Variants in DNAH8 observed in about 807,000 individuals in gnomAD.
DNAH8 encodes the protein axonemal beta dynein heavy chain 8.
DNAH8 carries 382 observed loss-of-function variants against 562.1 expected under a neutral mutation model. That is an observed-to-expected ratio of 0.68 (90% CI 0.63 to 0.74). DNAH8 has a LOEUF of 0.74. Ranked by LOEUF, DNAH8 falls within the 30% of genes least tolerant of loss-of-function variation. DNAH8 has a pLI of 0.00. For synonymous variants in DNAH8, 1,881 were observed against 1,919.4 expected (o/e 0.98, Z 0.52); for missense variants, 5,203 against 5,620.4 (o/e 0.93, Z 2.37).
rs974942656 is a variant in DNAH8, at chr6:38,805,365, A to G, written c.3035-116A>G. The G allele has an allele frequency of 1.5e-5, 10 of 655,552 alleles. No individual in the cohort carries two copies. In the South Asian group the frequency reaches 1.7e-4, roughly 11 times the overall value. The allele number at this position is 655,552 out of a possible 1,614,324, so 40.6% of individuals were successfully genotyped here. ...ATGCGAAAAGCATTTTTCAAAAAAC[A>G]GTTTTAAAAGTAAGAGCTTTTTAAA... On this transcript the variant is annotated intron_variant, in intron 22 of 92. Transcript: ENST00000327475.
intron 79 of DNAH8, among the ~76,000 whole-genome samples, chr6:38,942,929 C>T (rs1261467363): frequency 1.3e-5 from 2 of 152,172 alleles, no homozygotes. Flanking sequence ...CTGAGAAACA[C>T]GGCAACACAG....
Position 38,866,881 on chromosome 6 carries a change from C to T in DNAH8, c.6693+5C>T, listed in dbSNP as rs183585898. ...GAAGAGCAACTTACTAAACAGGTAA[C>T]TTTATAGATCTGCTTTCCTCCTAGC... On this transcript the variant is annotated splice_donor_5th_base_variant and intron_variant, in intron 47 of 92. Transcript: ENST00000327475. The T allele has an allele frequency of 1.4e-5, 21 of 1,541,350 alleles. No homozygotes were observed. The African/African-American group carries it at 2.7e-4, about 20-fold the overall frequency.
chr6:38,951,960 C>A (rs548757459), intron 82 of DNAH8, among the ~76,000 whole-genome samples: 25 of 152,188 alleles, frequency 1.6e-4, no homozygotes, highest in African/African-American at 5.5e-4. Context: ...ACTTAATAAC[C>A]ATTCAGTACA....
At chr6:38,896,822 G>C (rs1779727871) in intron 60 of DNAH8, among the ~76,000 whole-genome samples, 3 of 152,030 alleles carry the variant, frequency 2.0e-5, no homozygotes, top group Non-Finnish European at 2.9e-5. Flanking sequence ...GTCTCTCTCT[G>C]TCACCCCAGG....
In DNAH8 at chr6:38,911,361, C is replaced by G. The variant is rs1780879439; in HGVS notation, c.9741-107C>G. 3 of 839,504 alleles carry G rather than the reference C, an allele frequency of 3.6e-6. No homozygotes were observed. In the Admixed American group the frequency reaches 5.7e-5, roughly 16 times the overall value. The allele number at this position is 839,504 out of a possible 1,614,324, so 52.0% of individuals were successfully genotyped here. A position where few individuals can be genotyped will look rare whatever the true frequency, so the allele number is the denominator to read the frequency against. The stretch of plus-strand genomic sequence containing the variant: ...ACCTTGCTCAAGTCCTGTCTTCCTG[C>G]TAGTGAATCACTCTACATGATCACA... On this transcript the variant is annotated intron_variant, in intron 65 of 92. Coordinates refer to ENST00000327475, the MANE Select transcript of DNAH8 (RefSeq NM_001206927.2).
chr6:38,935,127 G>A (rs1782847204), intron 76 of DNAH8, among the ~76,000 whole-genome samples: 1 of 152,216 alleles, frequency 6.6e-6, no homozygotes, highest in East Asian at 1.9e-4. Context: ...GGTACCTGGT[G>A]CTCCCATAGG....
chr6:38,910,634 C>A (rs1456668002), intron 65 of DNAH8, among the ~76,000 whole-genome samples: 1 of 152,030 alleles, frequency 6.6e-6, no homozygotes, highest in African/African-American at 2.4e-5. Flanking sequence ...CTTTGTGCAG[C>A]TACAAAAATC....
At chr6:38,962,266 G>T (rs1762656017) in intron 82 of DNAH8, among the ~76,000 whole-genome samples, 1 of 152,012 alleles carries the variant, frequency 6.6e-6, no homozygotes, top group African/African-American at 2.4e-5. Flanking sequence ...AAGCATCATT[G>T]TTTTTCTAGT....
At chr6:38,777,129 A>G (rs1286979016) in intron 13 of DNAH8, among the ~76,000 whole-genome samples, 4 of 152,176 alleles carry the variant, frequency 2.6e-5, no homozygotes, top group African/African-American at 7.2e-5. Context: ...ATTTCCTTTC[A>G]GTTTTTGAAA....
chr6:38,730,002 G>C lies in DNAH8; in HGVS notation c.610+16G>C, dbSNP rs1332074972. 1 of 1,300,750 alleles carries C rather than the reference G, an allele frequency of 7.7e-7. No homozygotes were observed. Among genetic ancestry groups the C allele is most frequent in the East Asian group, 2.3e-5 (1 of 43,240 alleles). 80.6% of individuals were successfully genotyped at this position (1,300,750 alleles called of 1,614,324 possible). On this transcript the variant is annotated intron_variant, in intron 4 of 92. Coordinates refer to ENST00000327475, the MANE Select transcript of DNAH8 (RefSeq NM_001206927.2). ...CCTGGTATTGGTAAGAATTTTCTGA[G>C]GGCAGTGTGCCAGTAATTAGTTCAT...
intron 26 of DNAH8, 22 bp from the exon 27 acceptor site, chr6:38,822,816 G>T: frequency 6.6e-7 from 1 of 1,506,956 alleles, no homozygotes; most frequent in African/African-American, 1.4e-5. Context: ...GTTATTTATA[G>T]TGTAAAAACA....
Position 39,026,792 on chromosome 6 carries a change from A to G in DNAH8, c.13836+125A>G, listed in dbSNP as rs2273093. 0.85 allele frequency: 857,336 copies of G among 1,007,494 alleles called. 366,225 individuals are homozygous for G. Among genetic ancestry groups the G allele is most frequent in the Middle Eastern group, 0.88 (2,619 of 2,980 alleles). The allele number at this position is 1,007,494 out of a possible 1,614,324, so 62.4% of individuals were successfully genotyped here. A position where few individuals can be genotyped will look rare whatever the true frequency, so the allele number is the denominator to read the frequency against. On this transcript the variant is annotated intron_variant, in intron 92 of 92. Transcript: ENST00000327475. ...TTGCTTTGCAGTGAGGGTTCCCTCC[A>G]TCATAGCCAGAAGACATCAGTGCCA... is the stretch of plus-strand genomic sequence containing the variant.
chr6:38,763,120 T>C, intron 11 of DNAH8: 1 of 335,696 alleles, frequency 3.0e-6, no homozygotes, highest in South Asian at 2.6e-5. Flanking sequence ...CTACTTCACT[T>C]GCATCACTGA....
chr6:39,003,893 G>A lies in DNAH8; in HGVS notation c.13215-4921G>A, dbSNP rs1765635884. Among the ~76,000 whole-genome samples, 5 of 152,176 alleles carry A rather than the reference G, an allele frequency of 3.3e-5. No homozygotes were observed. The South Asian group carries it at 8.3e-4, about 25-fold the overall frequency. ...AAAATGTAAAGGACAAATATACAAT[G>A]TTGCTTTTTTACGCCACTCTTTCTA... is the stretch of plus-strand genomic sequence containing the variant. On this transcript the variant is annotated intron_variant, in intron 88 of 92. Transcript: ENST00000327475.
intron 3 of DNAH8, among the ~76,000 whole-genome samples, chr6:38,725,465 C>T (rs1032958451): frequency 6.6e-6 from 1 of 152,006 alleles, no homozygotes; most frequent in Non-Finnish European, 1.5e-5. Context: ...TGGGATTGCT[C>T]ATTTTCTTGG....
chr6:38,758,740 G>C (rs934608334), intron 10 of DNAH8, among the ~76,000 whole-genome samples: 6 of 152,200 alleles, frequency 3.9e-5, no homozygotes, highest in East Asian at 1.9e-4. Context: ...TATCATGAAG[G>C]GTTGTTGAAT....
chr6:39,001,012 C>G (rs866145450), intron 88 of DNAH8, among the ~76,000 whole-genome samples: 4 of 152,040 alleles, frequency 2.6e-5, no homozygotes, highest in Admixed American at 2.0e-4. Flanking sequence ...CACCAAGGAA[C>G]AATCCAAGGA....
At chr6:38,911,205 G>GATAT (rs1780868438) in intron 65 of DNAH8, among the ~76,000 whole-genome samples, 1 of 152,164 alleles carries the variant, frequency 6.6e-6, no homozygotes, top group South Asian at 2.1e-4. Context: ...ATTCTGGGAG[G>GATAT]GGTAGAGCAG....
rs1162850592 is a variant in DNAH8, at chr6:38,918,126, G to A, written c.10510G>A (p.Val3504Met). 6.2e-7 allele frequency: 1 copy of A among 1,607,744 alleles called. No homozygotes were observed. The highest frequency in any genetic ancestry group is 1.1e-5 in the South Asian group (1 of 90,326). ...MAIFYGINREVLPLKANLAKQ... is the reference protein window; with the variant it reads ...MAIFYGINREMLPLKANLAKQ... ...AATATTTTATGGCATCAATAGAGAA[G>A]TGTTGCCTCTGAAGGTAAAAGTTTC... The change falls in exon 70 of 93, where the codon GTG becomes ATG. Residue 3504 changes from valine to methionine, a missense_variant. Val to Met is a conservative substitution (Grantham distance 21, BLOSUM62 1). Around this residue, in one of 6 missense-constraint regions of DNAH8, gnomAD observed 1,399 missense variants for 1,518.4 expected, o/e 0.92. Transcript: ENST00000327475.
Sources: allele counts gnomAD v4.1 joint callset (sites outside exome capture counted in the v4.1 genomes callset), GRCh38; gene constraint gnomAD v4.1.1; regional missense constraint gnomAD v4.1.1; transcripts MANE v1.5; gene names NCBI Gene and HGNC (gene_info 2026-07-23, HGNC 2026-07-21).